TUSC3: variants seen among roughly 807,000 people sequenced by gnomAD.
TUSC3 encodes dolichyl-diphosphooligosaccharide--protein glycosyltransferase subunit TUSC3.
A neutral mutation model predicts 44.8 loss-of-function variants in TUSC3; 45 were observed. That is an observed-to-expected ratio of 1.00 (90% CI 0.79 to 1.29). TUSC3 has a LOEUF of 1.29. Ranked by LOEUF, TUSC3 falls within the 50% of genes most tolerant of loss-of-function variation. TUSC3 has a pLI of 0.00. For missense variants in TUSC3, 519 were observed against 437.9 expected (o/e 1.19, Z -1.65); for synonymous variants, 212 against 152.9 (o/e 1.39, Z -2.85).
intron 1 of TUSC3, among the ~76,000 whole-genome samples, chr8:15,576,304 T>TTA (rs1563298796): frequency 8.2e-5 from 12 of 146,012 alleles, no homozygotes; most frequent in African/African-American, 3.1e-4. Context: ...TTTTTTATTT[T>TTA]TTTATTTATT....
At chr8:15,440,322 G>C (rs1022330744) in intron 1 of TUSC3, among the ~76,000 whole-genome samples, 26 of 152,234 alleles carry the variant, frequency 1.7e-4, no homozygotes, top group African/African-American at 6.3e-4. Flanking sequence ...ATATGGGATG[G>C]GCTTGGAGAA....
chr8:15,487,410 C>G (rs910175575), intron 2 of TUSC3, among the ~76,000 whole-genome samples: 2 of 152,282 alleles, frequency 1.3e-5, no homozygotes, highest in South Asian at 2.1e-4. Context: ...AGTTTCTTTT[C>G]TAGCATCCAA....
Position 15,549,420 on chromosome 8 carries a change from C to T in TUSC3, c.138+8852C>T, listed in dbSNP as rs1801979654. 1.3e-5 allele frequency among the ~76,000 whole-genome samples: 2 copies of T among 151,672 alleles called. 1 individual carries two copies. The highest frequency in any genetic ancestry group is 4.8e-5 in the African/African-American group (2 of 41,378). On this transcript the variant is annotated intron_variant, in intron 1 of 10. Transcript: ENST00000503731. ...AACTCCTGACCTCGTGATCTGCCCG[C>T]CTCGGCCTCCCAAAGTGCTGGGATT...
chr8:15,443,395 C>T lies in TUSC3; in HGVS notation n.91+26090C>T, dbSNP rs1011018524. On this transcript the variant is annotated intron_variant and non_coding_transcript_variant, in intron 1 of 5. Transcript: ENST00000503191. ...GTGTGTGTGTGTAAAGATGGGGTTTCACCATGTTGCCTAGGGTGGTCTTGA... is the reference window on the plus strand; with the variant it reads ...GTGTGTGTGTGTAAAGATGGGGTTTTACCATGTTGCCTAGGGTGGTCTTGA... 3.4e-5 allele frequency among the ~76,000 whole-genome samples: 5 copies of T among 148,854 alleles called. 1 individual carries two copies. In the South Asian group the frequency reaches 1.1e-3, roughly 32 times the overall value.
At chr8:15,603,046 G>C (rs1323704369) in intron 1 of TUSC3, among the ~76,000 whole-genome samples, 1 of 151,508 alleles carries the variant, frequency 6.6e-6, no homozygotes, top group Non-Finnish European at 1.5e-5. Flanking sequence ...AAAAAGAAAA[G>C]TCTGTGTGAC....
intron 1 of TUSC3, among the ~76,000 whole-genome samples, chr8:15,446,612 A>G (rs1300579122): frequency 6.6e-6 from 1 of 151,520 alleles, no homozygotes; most frequent in Non-Finnish European, 1.5e-5. Context: ...CTGCAATCCC[A>G]GGCGCTCGGC....
At chr8:15,714,572 T>C in intron 6 of TUSC3, among the ~76,000 whole-genome samples, 1 of 152,282 alleles carries the variant, frequency 6.6e-6, no homozygotes, top group East Asian at 1.9e-4. Flanking sequence ...AATGAAGAAT[T>C]GTGAGCTATC....
At chr8:15,816,697 C>G in the TUSC3 span, among the ~76,000 whole-genome samples, 1 of 152,156 alleles carries the variant, frequency 6.6e-6, no homozygotes, top group African/African-American at 2.4e-5. Flanking sequence ...GAACAAAAGA[C>G]ATTCACATGC....
Position 15,692,001 on chromosome 8 carries a change from G to A in TUSC3, c.798+18165G>A, listed in dbSNP as rs370709856. Among the ~76,000 whole-genome samples the A allele has an allele frequency of 1.8e-4, 27 of 152,200 alleles. No homozygotes were observed. The East Asian group carries it at 4.8e-3, about 27-fold the overall frequency. On this transcript the variant is annotated intron_variant, in intron 6 of 10. Coordinates refer to ENST00000503731, the MANE Select transcript of TUSC3 (RefSeq NM_006765.4). ...TCACCATGTTGGCCAGGCTGGTCTT[G>A]AATTCTTGGCCTCAAGTGATCCACC... is the stretch of plus-strand genomic sequence containing the variant.
At chr8:15,799,309 G>C in the TUSC3 span, among the ~76,000 whole-genome samples, 1 of 152,160 alleles carries the variant, frequency 6.6e-6, no homozygotes, top group Admixed American at 6.6e-5. Context: ...CAGAATAATG[G>C]TCCCAAAGTT....
At chr8:15,506,678 C>G (rs1334085135) in intron 2 of TUSC3, among the ~76,000 whole-genome samples, 1 of 152,162 alleles carries the variant, frequency 6.6e-6, no homozygotes, top group African/African-American at 2.4e-5. Flanking sequence ...TCTTGTGAGA[C>G]TTATTCACTA....
At chr8:15,737,596 A>C (rs1437460599) in intron 7 of TUSC3, among the ~76,000 whole-genome samples, 2 of 152,194 alleles carry the variant, frequency 1.3e-5, no homozygotes, top group African/African-American at 4.8e-5. Flanking sequence ...TACAAAAACT[A>C]GGCCAAAGTA....
chr8:15,442,815 C>T (rs979769203), intron 1 of TUSC3, among the ~76,000 whole-genome samples: 1 of 152,190 alleles, frequency 6.6e-6, no homozygotes, highest in African/African-American at 2.4e-5. Flanking sequence ...CTCTTCCCTA[C>T]TAGACCTCAG....
the TUSC3 span, among the ~76,000 whole-genome samples, chr8:15,817,357 AAG>A: frequency 1.3e-5 from 2 of 151,518 alleles, no homozygotes; most frequent in Non-Finnish European, 2.9e-5. Flanking sequence ...TGAAAAAAAA[AAG>A]AAGGCTTGAA....
rs575325853 is a variant in TUSC3 at position 15,655,090 on chromosome 8, T to A, written c.426+4276T>A. On this transcript the variant is annotated intron_variant, in intron 3 of 10. Coordinates refer to ENST00000503731, the MANE Select transcript of TUSC3 (RefSeq NM_006765.4). ...CAGACATGAGCAGGGCAGGAGAGGG[T>A]CCCTCACCCCAGGATGTCAGGTGAC... 5.9e-5 allele frequency among the ~76,000 whole-genome samples: 9 copies of A among 152,182 alleles called. No homozygotes were observed. In the South Asian group the frequency reaches 1.0e-3, roughly 18 times the overall value.
At chr8:15,460,849 T>A (rs1800335741) in intron 1 of TUSC3, among the ~76,000 whole-genome samples, 1 of 152,080 alleles carries the variant, frequency 6.6e-6, no homozygotes, top group African/African-American at 2.4e-5. Context: ...AGTATTTGGG[T>A]TTATTTCTGG....
In TUSC3 at chr8:15,461,460, G is replaced by A. The variant is rs184202138; in HGVS notation, n.92-21926G>A. 1.4e-4 allele frequency among the ~76,000 whole-genome samples: 22 copies of A among 152,028 alleles called. 1 individual carries two copies. Among genetic ancestry groups the A allele is most frequent in the African/African-American group, 5.1e-4 (21 of 41,482 alleles). Reference sequence around the variant, plus strand: ...TGGAGTCTTTAGGTTTTTGAAGTGAGCGATCATATCATCAGCAAACAGTGA... The same window carrying A: ...TGGAGTCTTTAGGTTTTTGAAGTGAACGATCATATCATCAGCAAACAGTGA... On this transcript the variant is annotated intron_variant and non_coding_transcript_variant, in intron 1 of 5. Coordinates refer to the TUSC3 transcript ENST00000503191.
chr8:15,515,954 C>T (rs989545575), intron 2 of TUSC3, among the ~76,000 whole-genome samples: 2 of 152,138 alleles, frequency 1.3e-5, no homozygotes, highest in Non-Finnish European at 2.9e-5. Flanking sequence ...GAGGCATGAG[C>T]CACCATGCCG....
chr8:15,507,809 T>C (rs532531088), intron 2 of TUSC3, among the ~76,000 whole-genome samples: 6 of 151,788 alleles, frequency 4.0e-5, no homozygotes, highest in Admixed American at 3.3e-4. Flanking sequence ...AAAACTATAG[T>C]TAAATAAAAA....
Sources: allele counts gnomAD v4.1 joint callset (sites outside exome capture counted in the v4.1 genomes callset), GRCh38; gene constraint gnomAD v4.1.1; transcripts MANE v1.5; gene names NCBI Gene and HGNC (gene_info 2026-07-23, HGNC 2026-07-21).